The following GRB14 variants were observed in gnomAD, a reference collection of about 807,000 sequenced individuals.
The protein encoded by GRB14 is growth factor receptor bound protein 14.
Under a neutral mutation model 69.1 loss-of-function variants are expected in GRB14, and 38 were observed. That is an observed-to-expected ratio of 0.55 (90% confidence interval 0.42 to 0.72). GRB14 has a LOEUF of 0.72. GRB14 is among the 30% of genes least tolerant of loss of function. The probability of loss-of-function intolerance (pLI) is 0.00; values close to 1 mark genes in which losing one functional copy is unlikely to be tolerated. For synonymous variants in GRB14, 247 were observed against 241.3 expected (o/e 1.02, Z -0.22); for missense variants, 666 against 666.1 (o/e 1.00, Z 0.00).
intron 5 of GRB14, among the ~76,000 whole-genome samples, 190 bp from the exon 6 acceptor site, chr2:164,522,307 C>T (rs1207296460): frequency 6.6e-6 from 1 of 151,966 alleles, no homozygotes; most frequent in Non-Finnish European, 1.5e-5. Flanking sequence ...TATCTCTCTC[C>T]TCTGTCTCTC....
intron 2 of GRB14, among the ~76,000 whole-genome samples, chr2:164,601,353 G>A (rs1689909131): frequency 6.6e-6 from 1 of 152,196 alleles, no homozygotes; most frequent in Non-Finnish European, 1.5e-5. Context: ...TATGGAGGTA[G>A]AGGGAGATCA....
chr2:164,560,489 C>T (rs1185789672), intron 2 of GRB14, among the ~76,000 whole-genome samples: 1 of 152,060 alleles, frequency 6.6e-6, no homozygotes, highest in African/African-American at 2.4e-5. Context: ...GATACAATCA[C>T]AAGCTTGTGA....
intron 8 of GRB14, among the ~76,000 whole-genome samples, chr2:164,505,975 C>G (rs1270185461): frequency 1.3e-5 from 2 of 152,110 alleles, no homozygotes; most frequent in South Asian, 2.1e-4. Flanking sequence ...GGGTGTCAAA[C>G]TTTAAGCCCA....
intron 3 of GRB14, among the ~76,000 whole-genome samples, chr2:164,538,644 T>C (rs1278326525): frequency 1.3e-5 from 2 of 152,220 alleles, no homozygotes; most frequent in East Asian, 3.8e-4. Flanking sequence ...TATTTAGTTG[T>C]CTTCCATGAC....
intron 2 of GRB14, among the ~76,000 whole-genome samples, chr2:164,549,984 G>A (rs1000701684): frequency 1.3e-5 from 2 of 151,476 alleles, no homozygotes. Flanking sequence ...AGTAACATGG[G>A]TGATTTATTG....
intron 5 of GRB14, among the ~76,000 whole-genome samples, chr2:164,523,005 C>G (rs1687673455): frequency 6.6e-6 from 1 of 151,866 alleles, no homozygotes; most frequent in Admixed American, 6.6e-5. Context: ...GGTAAAAAGT[C>G]CAATGCAACT....
intron 2 of GRB14, among the ~76,000 whole-genome samples, chr2:164,567,013 C>T (rs986270112): frequency 6.6e-5 from 10 of 151,914 alleles, no homozygotes; most frequent in Non-Finnish European, 1.2e-4. Context: ...CAATATTAAC[C>T]GGATAAAGAA....
chr2:164,594,391 A>G (rs532187214), intron 2 of GRB14, among the ~76,000 whole-genome samples: 2 of 152,312 alleles, frequency 1.3e-5, no homozygotes, highest in East Asian at 3.9e-4. Flanking sequence ...TCTTCATGAT[A>G]CTCTGTGAGA....
At position 164,617,965 on chromosome 2, in the gene GRB14, G is replaced by C. The variant is rs1438119614; in HGVS notation, c.324+1722C>G. On this transcript the variant is annotated intron_variant, in intron 2 of 13. Transcript: ENST00000263915. ...CAAGCCAGAATCTTTTTTTTGGGGG[G>C]GGGGGGGTAGTGTCAGCGGGGGACA... Among the ~76,000 whole-genome samples, 8 of 137,910 alleles carry C rather than the reference G, an allele frequency of 5.8e-5. 1 individual carries two copies. The highest frequency in any genetic ancestry group is 2.3e-4 in the East Asian group (1 of 4,322). 90.5% of individuals were successfully genotyped at this position (137,910 alleles called of 152,430 possible).
At chr2:164,616,013 C>A (rs371393526) in intron 2 of GRB14, among the ~76,000 whole-genome samples, 1 of 152,192 alleles carries the variant, frequency 6.6e-6, no homozygotes, top group East Asian at 1.9e-4. Flanking sequence ...ATATAAGTAA[C>A]TTTTCTGGAC....
rs183772511 is a variant in GRB14 at position 164,493,057 on chromosome 2, A to G, written c.1602T>C (p.Tyr534=). 13 of 1,613,566 alleles carry G rather than the reference A, an allele frequency of 8.1e-6. No individual in the cohort carries two copies. In the East Asian group the frequency reaches 2.7e-4, roughly 33 times the overall value. ...TTGTCTAGAGAGCAATCCTAGCACA[A>G]TAATGTTTCAACTTGCAAGGAAGAA... ...KGVLPCKLKH[Y]CARIAL The change falls in exon 14 of 14, where the codon TAT becomes TAC. Residue 534 remains tyrosine (Y), a synonymous_variant. Coordinates refer to ENST00000263915, the MANE Select transcript of GRB14 (RefSeq NM_004490.3).
intron 2 of GRB14, among the ~76,000 whole-genome samples, chr2:164,616,759 T>G (rs1690308133): frequency 6.6e-6 from 1 of 152,236 alleles, no homozygotes; most frequent in Non-Finnish European, 1.5e-5. Flanking sequence ...TTCTTCACTT[T>G]TTCTGTGGAG....
Position 164,591,377 on chromosome 2 carries a change from C to A in GRB14, c.324+28310G>T, listed in dbSNP as rs548950739. ...AAAAAGAAAAATTGCTATTCTCTTTCTATCCCCCAACCAATAACACCTCAT... is the reference window on the plus strand; with the variant it reads ...AAAAAGAAAAATTGCTATTCTCTTTATATCCCCCAACCAATAACACCTCAT... On this transcript the variant is annotated intron_variant, in intron 2 of 13. Coordinates refer to ENST00000263915, the MANE Select transcript of GRB14 (RefSeq NM_004490.3). Among the ~76,000 whole-genome samples the A allele has an allele frequency of 9.6e-4, 146 of 152,228 alleles. 2 individuals carry two copies. The South Asian group carries it at 0.011, about 12-fold the overall frequency.
intron 3 of GRB14, among the ~76,000 whole-genome samples, chr2:164,541,193 C>T (rs1022183985): frequency 1.3e-5 from 2 of 151,902 alleles, no homozygotes; most frequent in South Asian, 2.1e-4. Flanking sequence ...ATAGGCCAGT[C>T]GTGGTGGCTC....
At chr2:164,534,616 G>T (rs1056971596) in intron 3 of GRB14, among the ~76,000 whole-genome samples, 1 of 152,054 alleles carries the variant, frequency 6.6e-6, no homozygotes, top group Non-Finnish European at 1.5e-5. Flanking sequence ...TAAGAAAAGG[G>T]AAAACAAAAC....
chr2:164,585,688 A>G (rs1029472051), intron 2 of GRB14, among the ~76,000 whole-genome samples: 1 of 152,196 alleles, frequency 6.6e-6, no homozygotes, highest in African/African-American at 2.4e-5. Flanking sequence ...AATATATGCA[A>G]TTTCTACTTG....
chr2:164,590,871 A>C (rs1394585348), intron 2 of GRB14, among the ~76,000 whole-genome samples: 1 of 152,218 alleles, frequency 6.6e-6, no homozygotes, highest in Non-Finnish European at 1.5e-5. Flanking sequence ...CGCTATTCTA[A>C]ATCATGTTTG....
intron 2 of GRB14, among the ~76,000 whole-genome samples, chr2:164,619,093 A>C (rs1015068300): frequency 6.6e-6 from 1 of 152,234 alleles, no homozygotes; most frequent in Admixed American, 6.5e-5. Flanking sequence ...AGAAAAGGAG[A>C]AAATCATAAA....
rs534819322 is a variant in GRB14, at chr2:164,621,256, C to T, written c.54G>A (p.Arg18=). 39 of 1,280,160 alleles carry T rather than the reference C, an allele frequency of 3.0e-5. No individual in the cohort carries two copies. The Admixed American group carries it at 8.1e-4, about 27-fold the overall frequency. The allele number at this position is 1,280,160 out of a possible 1,614,324, so 79.3% of individuals were successfully genotyped here. The change falls in exon 1 of 14, where the codon CGG becomes CGA. Residue 18 remains arginine, a synonymous_variant. Coordinates refer to ENST00000263915, the MANE Select transcript of GRB14 (RefSeq NM_004490.3). The surrounding 1 kb of genome is among the most constrained non-coding windows in gnomAD (Gnocchi z 6.0). Reference sequence around the variant, plus strand: ...ACACCTGGGCGGCCAGCGGCGAATCCCGGGCAGCCGCCCTGCTCGCGGCGC... The same window carrying T: ...ACACCTGGGCGGCCAGCGGCGAATCTCGGGCAGCCGCCCTGCTCGCGGCGC... ...GQSAASRAAA[R]DSPLAAQVCG...
Sources: allele counts gnomAD v4.1 joint callset (sites outside exome capture counted in the v4.1 genomes callset), GRCh38; gene constraint gnomAD v4.1.1; non-coding constraint Gnocchi (gnomAD v3.1); transcripts MANE v1.5; gene names NCBI Gene and HGNC (gene_info 2026-07-23, HGNC 2026-07-21).